Variants in DYNLRB1 observed in about 807,000 individuals in gnomAD.
The protein encoded by DYNLRB1 is ROBL/LC7-like 1.
In DYNLRB1, 6 loss-of-function variants were observed where a neutral mutation model predicts 13.5. The ratio of observed to expected loss-of-function variants is 0.44; its 90% CI spans 0.24 to 0.88. The LOEUF (loss-of-function observed/expected upper bound fraction) is 0.88. DYNLRB1 is among the 40% of genes least tolerant of loss of function. The pLI is 0.21. For missense variants in DYNLRB1, 93 were observed against 127.2 expected, an observed-to-expected ratio of 0.73 and a Z score of 1.29; for synonymous variants, 43 against 45.0, an observed-to-expected ratio of 0.96 and a Z score of 0.18.
chr20:34,533,714 G>A (rs1281000178), intron 2 of DYNLRB1: 1 of 159,944 alleles, frequency 6.3e-6, no homozygotes, highest in Non-Finnish European at 1.3e-5. Context: ...AGCTACACAG[G>A]AGGCTGAGGC....
chr20:34,536,357 G>A, intron 3 of DYNLRB1: 1 of 985,352 alleles, frequency 1.0e-6, no homozygotes, highest in Non-Finnish European at 1.2e-6. Context: ...GTGTTGACCT[G>A]GGTTGGGGGA....
At chr20:34,536,795 C>T (rs1316659430) in intron 3 of DYNLRB1, among the ~76,000 whole-genome samples, 2 of 151,798 alleles carry the variant, frequency 1.3e-5, no homozygotes, top group Non-Finnish European at 2.9e-5. Flanking sequence ...CCCTGCTCAC[C>T]CTGTGCACAG....
At chr20:34,534,556 A>G (rs552687519) in intron 2 of DYNLRB1, 72 bp from the exon 3 acceptor site, 19 of 1,500,404 alleles carry the variant, frequency 1.3e-5, no homozygotes, top group Middle Eastern at 2.1e-4. Context: ...GTTCTCCCCA[A>G]TTAGGGGTGT....
chr20:34,517,003 C>A, intron 1 of DYNLRB1: 1 of 1,243,438 alleles, frequency 8.0e-7, no homozygotes. Flanking sequence ...GGCCGCCACT[C>A]TGTCGGCGTG....
chr20:34,538,490 A>G (rs1395990252), intron 3 of DYNLRB1, among the ~76,000 whole-genome samples: 1 of 152,152 alleles, frequency 6.6e-6, no homozygotes, highest in Non-Finnish European at 1.5e-5. Flanking sequence ...CTTCACTAGT[A>G]TTAAAGCTGA....
intron 3 of DYNLRB1, chr20:34,536,489 G>A (rs1981151827): frequency 2.0e-6 from 2 of 985,286 alleles, no homozygotes; most frequent in Non-Finnish European, 2.4e-6. Flanking sequence ...GCTCACGCCT[G>A]TAATCCCAGC....
At chr20:34,526,431 T>A in intron 2 of DYNLRB1, 88 bp downstream of exon 2, 1 of 1,291,224 alleles carries the variant, frequency 7.7e-7, no homozygotes, top group Non-Finnish European at 1.1e-6. Flanking sequence ...CACTAAGCCC[T>A]TCATGAATCT....
chr20:34,522,631 C>A (rs976060346), intron 1 of DYNLRB1, among the ~76,000 whole-genome samples: 72 of 152,070 alleles, frequency 4.7e-4, no homozygotes, highest in African/African-American at 1.7e-3. Context: ...CGACACCACG[C>A]ATGGTTAATT....
chr20:34,524,178 A>G (rs1288184244), intron 1 of DYNLRB1, among the ~76,000 whole-genome samples: 1 of 152,174 alleles, frequency 6.6e-6, no homozygotes, highest in African/African-American at 2.4e-5. Context: ...AAGAAAATAA[A>G]ACCTTTCTAT....
rs1473024562 is a variant in DYNLRB1 at position 34,534,618 on chromosome 20, C to T, written c.80-10C>T. 2 of 1,547,578 alleles carry T rather than the reference C, an allele frequency of 1.3e-6. No homozygotes were observed. The highest frequency in any genetic ancestry group is 1.4e-5 in the African/African-American group (1 of 73,066). Reference sequence around the variant, plus strand: ...CACATCCTCTCAGTCTCCGTCTGCTCTCCCCTCAGGCATTCCCATCAAGAG... The same window carrying T: ...CACATCCTCTCAGTCTCCGTCTGCTTTCCCCTCAGGCATTCCCATCAAGAG... On this transcript the variant is annotated splice_polypyrimidine_tract_variant and intron_variant, in intron 2 of 3. Transcript: ENST00000357156.
chr20:34,521,444 G>A (rs1979706074), intron 1 of DYNLRB1, among the ~76,000 whole-genome samples: 2 of 148,206 alleles, frequency 1.3e-5, no homozygotes, highest in African/African-American at 4.9e-5. Context: ...GTCATTTTGT[G>A]TTTTTTTTTT....
At chr20:34,535,283 A>C (rs1981053385) in intron 3 of DYNLRB1, 2 of 985,446 alleles carry the variant, frequency 2.0e-6, no homozygotes, top group East Asian at 2.3e-4. Context: ...TTTATCCTTG[A>C]AAACATGTTC....
chr20:34,517,588 T>A (rs542903691), intron 1 of DYNLRB1, among the ~76,000 whole-genome samples: 2 of 152,204 alleles, frequency 1.3e-5, no homozygotes, highest in African/African-American at 4.8e-5. Flanking sequence ...CAGGCTATAT[T>A]TATTATAGAA....
chr20:34,533,784 A>G (rs1980898847), intron 2 of DYNLRB1, among the ~76,000 whole-genome samples: 1 of 151,576 alleles, frequency 6.6e-6, no homozygotes, highest in African/African-American at 2.4e-5. Context: ...GCACCATTGC[A>G]CTCCAGCCTG....
chr20:34,524,041 A>G (rs529201996), intron 1 of DYNLRB1, among the ~76,000 whole-genome samples: 24 of 152,300 alleles, frequency 1.6e-4, no homozygotes, highest in Middle Eastern at 3.4e-3. Flanking sequence ...TCTTATTCTG[A>G]CAACATTGAG....
At chr20:34,524,760 G>A (rs979148852) in intron 1 of DYNLRB1, among the ~76,000 whole-genome samples, 3 of 149,238 alleles carry the variant, frequency 2.0e-5, no homozygotes, top group African/African-American at 7.4e-5. Context: ...TGGAGTCCCA[G>A]TCGCCCATGC....
chr20:34,540,378 C>A (rs888332173), intron 3 of DYNLRB1, among the ~76,000 whole-genome samples: 8 of 152,178 alleles, frequency 5.3e-5, no homozygotes, highest in Admixed American at 1.3e-4. Context: ...TATGGGGAGG[C>A]CCCTCTTGCA....
chr20:34,530,343 C>A, intron 2 of DYNLRB1: 1 of 957,518 alleles, frequency 1.0e-6, no homozygotes, highest in Non-Finnish European at 1.2e-6. Flanking sequence ...CTTAACTTAT[C>A]AGCTATGTGG....
At chr20:34,523,943 A>C (rs977728676) in intron 1 of DYNLRB1, among the ~76,000 whole-genome samples, 5 of 152,120 alleles carry the variant, frequency 3.3e-5, no homozygotes, top group Non-Finnish European at 7.4e-5. Context: ...TTAGATTCTG[A>C]CATCTCGGTT....
Sources: allele counts gnomAD v4.1 joint callset (sites outside exome capture counted in the v4.1 genomes callset), GRCh38; gene constraint gnomAD v4.1.1; transcripts MANE v1.5; gene names NCBI Gene and HGNC (gene_info 2026-07-23, HGNC 2026-07-21).